The following RNLS variants were observed in gnomAD, a reference collection of about 807,000 sequenced individuals.
RNLS encodes renalase.
Under a neutral mutation model 39.8 loss-of-function variants are expected in RNLS, and 39 were observed. That is an observed-to-expected ratio of 0.98 (90% CI 0.76 to 1.28). RNLS has a LOEUF of 1.28. Among genes scored for constraint, RNLS ranks in the 50% most tolerant of loss-of-function variants. The pLI, the probability that RNLS is intolerant of heterozygous loss-of-function variation, is 0.00. For synonymous variants in RNLS, 147 were observed against 150.7 expected, an observed-to-expected ratio of 0.98 and a Z score of 0.18; for missense variants, 410 against 413.3, an observed-to-expected ratio of 0.99 and a Z score of 0.07.
chr10:88,214,498 C>CAA, the RNLS span, among the ~76,000 whole-genome samples: 2,725 of 134,368 alleles, frequency 0.02, 59 homozygotes, highest in South Asian at 0.078. Context: ...GACTCCGTCT[C>CAA]AAAAAAAAAA....
At chr10:88,382,592 C>CAGAT (rs1017251751) in intron 4 of RNLS, among the ~76,000 whole-genome samples, 4 of 152,006 alleles carry the variant, frequency 2.6e-5, no homozygotes, top group South Asian at 2.1e-4. Context: ...ATAAATTATC[C>CAGAT]AGATAGAACA....
the RNLS span, among the ~76,000 whole-genome samples, chr10:88,197,844 T>C: frequency 1.3e-5 from 2 of 152,190 alleles, no homozygotes; most frequent in Non-Finnish European, 2.9e-5. Context: ...GGCGGCTATC[T>C]ACAAGCCAAG....
chr10:88,435,654 T>C (rs1247288276), intron 4 of RNLS, among the ~76,000 whole-genome samples: 1 of 152,094 alleles, frequency 6.6e-6, no homozygotes, highest in Non-Finnish European at 1.5e-5. Context: ...TCTCAATAGA[T>C]AGCTGGATAG....
At chr10:88,568,078 G>A (rs569292486) in intron 4 of RNLS, among the ~76,000 whole-genome samples, 1 of 152,134 alleles carries the variant, frequency 6.6e-6, no homozygotes, top group Non-Finnish European at 1.5e-5. Context: ...GACGGGCCAG[G>A]GTCAGTGAGC....
At chr10:88,231,165 A>C in the RNLS span, among the ~76,000 whole-genome samples, 3 of 152,234 alleles carry the variant, frequency 2.0e-5, no homozygotes, top group African/African-American at 7.2e-5. Flanking sequence ...GTACCTCAGA[A>C]TGTGACTGTA....
intron 4 of RNLS, among the ~76,000 whole-genome samples, chr10:88,436,072 A>G (rs917764505): frequency 6.6e-6 from 1 of 152,084 alleles, no homozygotes; most frequent in Non-Finnish European, 1.5e-5. Context: ...GAATGATGAC[A>G]CTCATGAGAG....
the RNLS span, among the ~76,000 whole-genome samples, chr10:88,207,979 G>C: frequency 6.6e-6 from 1 of 152,172 alleles, no homozygotes; most frequent in Non-Finnish European, 1.5e-5. Flanking sequence ...CCCTAGAAGA[G>C]GGTCATCGTC....
intron 4 of RNLS, among the ~76,000 whole-genome samples, chr10:88,456,124 C>T (rs1014288405): frequency 7.2e-5 from 11 of 152,118 alleles, no homozygotes; most frequent in Non-Finnish European, 1.3e-4. Context: ...TCTGTTTCAA[C>T]TAAGCAAATT....
intron 4 of RNLS, among the ~76,000 whole-genome samples, chr10:88,459,110 T>C (rs28704140): frequency 1.3e-5 from 2 of 151,694 alleles, no homozygotes; most frequent in African/African-American, 2.4e-5. Context: ...TTTCTTTTTT[T>C]TTTTTTTGAT....
chr10:88,200,064 G>A, the RNLS span, among the ~76,000 whole-genome samples: 16 of 152,298 alleles, frequency 1.1e-4, no homozygotes, highest in African/African-American at 3.8e-4. Context: ...GGGAGGTCAA[G>A]GTTGCAGTGA....
At position 88,446,241 on chromosome 10, in the gene RNLS, A is replaced by C. The variant is rs552853403; in HGVS notation, c.527-83516T>G. ...TGGCTACATAACAAAATGAAGGCAG[A>C]AATAAAGATGTTCTTTGAAACCAAC... On this transcript the variant is annotated intron_variant, in intron 4 of 6. Transcript: ENST00000331772. Among the ~76,000 whole-genome samples, 362 of 152,380 alleles carry C rather than the reference A, an allele frequency of 2.4e-3. 1 individual carries two copies. The highest frequency in any genetic ancestry group is 4.2e-3 in the Non-Finnish European group (284 of 68,032).
At chr10:88,533,642 G>A (rs1210005071) in intron 4 of RNLS, among the ~76,000 whole-genome samples, 3 of 152,138 alleles carry the variant, frequency 2.0e-5, no homozygotes, top group East Asian at 1.9e-4. Flanking sequence ...TTTGACTAAC[G>A]ATAGGCAGAT....
At position 88,567,346 on chromosome 10, in the gene RNLS, G is replaced by T. The variant is rs546991595; in HGVS notation, c.526+5557C>A. ...CATTTAGGAGACAGTCTATGACACGGTGTTGCTTTAGATGTCACTAATACA... is the reference window on the plus strand; with the variant it reads ...CATTTAGGAGACAGTCTATGACACGTTGTTGCTTTAGATGTCACTAATACA... On this transcript the variant is annotated intron_variant, in intron 4 of 6. Coordinates refer to ENST00000331772, the MANE Select transcript of RNLS (RefSeq NM_001031709.3). 1.3e-3 allele frequency among the ~76,000 whole-genome samples: 194 copies of T among 152,280 alleles called. 1 individual carries two copies. Among genetic ancestry groups the T allele is most frequent in the Non-Finnish European group, 1.7e-3 (113 of 68,010 alleles).
At chr10:88,251,431 G>C in the RNLS span, among the ~76,000 whole-genome samples, 3 of 152,216 alleles carry the variant, frequency 2.0e-5, no homozygotes, top group East Asian at 5.8e-4. Context: ...ATTTGAAAGA[G>C]CTCTTTTATC....
At chr10:88,501,920 A>C (rs1425627091) in intron 4 of RNLS, among the ~76,000 whole-genome samples, 5 of 152,140 alleles carry the variant, frequency 3.3e-5, no homozygotes, top group Admixed American at 3.3e-4. Flanking sequence ...AATAATATGG[A>C]AACAGCCCGA....
At chr10:88,546,989 A>C (rs2134312811) in intron 4 of RNLS, among the ~76,000 whole-genome samples, 1 of 152,296 alleles carries the variant, frequency 6.6e-6, no homozygotes, top group Admixed American at 6.5e-5. Flanking sequence ...GATGCATCCA[A>C]AGCAGATATC....
chr10:88,219,802 G>A, the RNLS span, among the ~76,000 whole-genome samples: 1 of 152,192 alleles, frequency 6.6e-6, no homozygotes, highest in Non-Finnish European at 1.5e-5. Context: ...AAGCATTAAA[G>A]ACACATCAAT....
the RNLS span, among the ~76,000 whole-genome samples, chr10:88,247,499 G>A: frequency 6.6e-6 from 1 of 152,210 alleles, no homozygotes; most frequent in Non-Finnish European, 1.5e-5. Flanking sequence ...GTGTGACCTT[G>A]GGCCAGCTAT....
At position 88,555,608 on chromosome 10, in the gene RNLS, C is replaced by T. The variant is rs377371945; in HGVS notation, c.526+17295G>A. 7.9e-5 allele frequency among the ~76,000 whole-genome samples: 12 copies of T among 151,978 alleles called. No individual in the cohort carries two copies. The South Asian group carries it at 8.3e-4, about 11-fold the overall frequency. On this transcript the variant is annotated intron_variant, in intron 4 of 6. Coordinates refer to ENST00000331772, the MANE Select transcript of RNLS (RefSeq NM_001031709.3). ...CTGCTGGTGCCATGCTTGTATAGCCCGCAGAACTGTTAGCCAAAATATATC... is the reference window on the plus strand; with the variant it reads ...CTGCTGGTGCCATGCTTGTATAGCCTGCAGAACTGTTAGCCAAAATATATC...
Sources: gnomAD v4.1 joint callset for allele counts (sites outside exome capture counted in the v4.1 genomes callset) on GRCh38, gnomAD v4.1.1 for gene constraint, MANE v1.5 for transcripts, NCBI Gene and HGNC (gene_info 2026-07-23, HGNC 2026-07-21) for gene names.